Variants in ENOX1 observed in about 807,000 individuals in gnomAD.
ENOX1 encodes the protein candidate growth-related and time keeping constitutive hydroquinone (NADH) oxidase.
In ENOX1, 42 loss-of-function variants were observed where a neutral mutation model predicts 82.5. The ratio of observed to expected loss-of-function variants is 0.51; its 90% CI spans 0.40 to 0.66. ENOX1 has a LOEUF of 0.66. ENOX1 is among the 30% of genes least tolerant of loss of function. The pLI is 0.00. For synonymous variants in ENOX1, 271 were observed against 282.2 expected, an observed-to-expected ratio of 0.96 and a Z score of 0.40; for missense variants, 608 against 811.6, an observed-to-expected ratio of 0.75 and a Z score of 3.05.
chr13:43,411,810 TAA>T, intron 5 of ENOX1, 104 bp downstream of exon 5: 1 of 1,429,858 alleles, frequency 7.0e-7, no homozygotes, highest in Non-Finnish European at 9.5e-7. Flanking sequence ...CAGTCATAAA[TAA>T]AAGACTGTGT....
intron 2 of ENOX1, among the ~76,000 whole-genome samples, chr13:43,622,592 T>A (rs1439654517): frequency 1.3e-5 from 2 of 152,198 alleles, no homozygotes; most frequent in African/African-American, 2.4e-5. Context: ...AGTCCTGTGA[T>A]GTGAACCATC....
At chr13:43,413,105 G>T in intron 3 of ENOX1, 117 bp from the exon 4 acceptor site, 1 of 1,075,784 alleles carries the variant, frequency 9.3e-7, no homozygotes, top group Non-Finnish European at 1.2e-6. Context: ...CCAGTCTCAG[G>T]CACAGAAGAA....
rs570599374 is a variant in ENOX1 at position 43,464,094 on chromosome 13, C to A, written c.-75+19915G>T. On this transcript the variant is annotated intron_variant, in intron 3 of 16. Coordinates refer to ENST00000690772, the MANE Select transcript of ENOX1 (RefSeq NM_001347969.2). ...GGTGTCCCTTTCCCTTAGAGTCTTTCAAGAGAAGGCTCACTCTTAAGCTGA... is the reference window on the plus strand; with the variant it reads ...GGTGTCCCTTTCCCTTAGAGTCTTTAAAGAGAAGGCTCACTCTTAAGCTGA... Among the ~76,000 whole-genome samples, 71 of 152,220 alleles carry A rather than the reference C, an allele frequency of 4.7e-4. 1 individual carries two copies. The highest frequency in any genetic ancestry group is 1.5e-3 in the African/African-American group (64 of 41,532).
At chr13:43,431,922 A>G (rs2055694106) in intron 3 of ENOX1, among the ~76,000 whole-genome samples, 1 of 152,146 alleles carries the variant, frequency 6.6e-6, no homozygotes, top group African/African-American at 2.4e-5. Context: ...TGGCTCTCAG[A>G]TGCTGAACCA....
chr13:43,403,973 G>C (rs764668230), intron 5 of ENOX1, among the ~76,000 whole-genome samples: 22 of 152,170 alleles, frequency 1.4e-4, no homozygotes, highest in Non-Finnish European at 4.4e-5. Flanking sequence ...GCCTGCACAT[G>C]GCAGGTGCTC....
At chr13:43,276,749 G>C (rs1042231909) in intron 12 of ENOX1, among the ~76,000 whole-genome samples, 1 of 152,198 alleles carries the variant, frequency 6.6e-6, no homozygotes, top group African/African-American at 2.4e-5. Context: ...CATCTAACAG[G>C]ATTTCTGACA....
At chr13:43,700,830 C>T (rs1043510048) in intron 1 of ENOX1, among the ~76,000 whole-genome samples, 1 of 152,074 alleles carries the variant, frequency 6.6e-6, no homozygotes, top group Admixed American at 6.5e-5. Context: ...AAAACCTCAG[C>T]TATTCATCAT....
chr13:43,582,879 A>G (rs562610698), intron 2 of ENOX1, among the ~76,000 whole-genome samples: 5 of 152,282 alleles, frequency 3.3e-5, no homozygotes, highest in Admixed American at 2.6e-4. Context: ...ATTTTCTAGA[A>G]ATTATTGTAT....
chr13:43,370,911 C>T (rs1011684477), intron 5 of ENOX1, among the ~76,000 whole-genome samples: 18 of 152,176 alleles, frequency 1.2e-4, no homozygotes, highest in Middle Eastern at 3.4e-3. Flanking sequence ...TGTCCCCACC[C>T]CCTCCTGCCC....
At chr13:43,762,301 A>G (rs1470894405) in intron 1 of ENOX1, among the ~76,000 whole-genome samples, 2 of 152,174 alleles carry the variant, frequency 1.3e-5, no homozygotes, top group African/African-American at 2.4e-5. Context: ...TCAACAGCCT[A>G]CTATTGAGAA....
intron 9 of ENOX1, among the ~76,000 whole-genome samples, chr13:43,338,593 A>G (rs1231681766): frequency 6.6e-6 from 1 of 151,826 alleles, no homozygotes; most frequent in Non-Finnish European, 1.5e-5. Flanking sequence ...AACATTTTTC[A>G]TAACTGGACA....
intron 2 of ENOX1, among the ~76,000 whole-genome samples, chr13:43,654,379 C>T (rs577523514): frequency 3.1e-4 from 47 of 152,252 alleles, no homozygotes; most frequent in Non-Finnish European, 4.7e-4. Context: ...TTACCAGCAC[C>T]GCATTTGCAT....
At chr13:43,225,525 G>GT (rs1003857781) in intron 15 of ENOX1, among the ~76,000 whole-genome samples, 26 of 152,170 alleles carry the variant, frequency 1.7e-4, no homozygotes, top group Non-Finnish European at 2.4e-4. Flanking sequence ...TTCATGTTCT[G>GT]TTTTTTGTGA....
intron 1 of ENOX1, among the ~76,000 whole-genome samples, chr13:43,753,923 C>T (rs924997551): frequency 1.3e-5 from 2 of 151,924 alleles, no homozygotes; most frequent in African/African-American, 2.4e-5. Flanking sequence ...ACCAGATTTC[C>T]TTAATAGGAA....
intron 2 of ENOX1, among the ~76,000 whole-genome samples, chr13:43,617,834 C>T (rs2082547480): frequency 6.6e-6 from 1 of 152,180 alleles, no homozygotes. Flanking sequence ...AGTTTACATT[C>T]CCACAAGAAG....
At chr13:43,598,105 GC>G (rs2081548404) in intron 2 of ENOX1, among the ~76,000 whole-genome samples, 1 of 151,946 alleles carries the variant, frequency 6.6e-6, no homozygotes, top group South Asian at 2.1e-4. Context: ...GCTCTACAGA[GC>G]TGACTGTGCT....
chr13:43,573,864 G>C (rs756718447), intron 2 of ENOX1, among the ~76,000 whole-genome samples: 1 of 152,170 alleles, frequency 6.6e-6, no homozygotes, highest in Non-Finnish European at 1.5e-5. Context: ...GGAAAAGTGA[G>C]ATAAACTTCA....
chr13:43,700,162 T>A (rs533130624), intron 1 of ENOX1, among the ~76,000 whole-genome samples: 1 of 152,224 alleles, frequency 6.6e-6, no homozygotes, highest in Non-Finnish European at 1.5e-5. Context: ...GAGTTTGAGT[T>A]TCATAAGAAT....
At chr13:43,290,396 T>C (rs1299228820) in intron 12 of ENOX1, among the ~76,000 whole-genome samples, 2 of 151,872 alleles carry the variant, frequency 1.3e-5, no homozygotes, top group Non-Finnish European at 2.9e-5. Context: ...CACACACACA[T>C]ACCACAGAAT....
Sources: gnomAD v4.1 joint callset for allele counts (sites outside exome capture counted in the v4.1 genomes callset) on GRCh38, gnomAD v4.1.1 for gene constraint, MANE v1.5 for transcripts, NCBI Gene and HGNC (gene_info 2026-07-23, HGNC 2026-07-21) for gene names.